The following XKR9 variants were observed in gnomAD, a reference collection of about 807,000 sequenced individuals.
XKR9 encodes XK-related protein 9.
A neutral mutation model predicts 32.0 loss-of-function variants in XKR9; 32 were observed. That is an observed-to-expected ratio of 1.00 (90% CI 0.76 to 1.34). The LOEUF (loss-of-function observed/expected upper bound fraction) is 1.34. Ranked by LOEUF, XKR9 falls within the 40% of genes most tolerant of loss-of-function variation. The pLI, the probability that XKR9 is intolerant of heterozygous loss-of-function variation, is 0.00. For synonymous variants in XKR9, 168 were observed against 143.4 expected (o/e 1.17, Z -1.22); for missense variants, 546 against 429.7 (o/e 1.27, Z -2.39).
At chr8:70,821,655 C>T in the XKR9 span, among the ~76,000 whole-genome samples, 1 of 152,356 alleles carries the variant, frequency 6.6e-6, no homozygotes, top group East Asian at 1.9e-4. Flanking sequence ...TGCGTGCCTT[C>T]ACGATCAACA....
At chr8:70,877,790 C>T in the XKR9 span, among the ~76,000 whole-genome samples, 3 of 152,106 alleles carry the variant, frequency 2.0e-5, no homozygotes, top group African/African-American at 7.2e-5. Flanking sequence ...GGCCAACATT[C>T]AAATTCAGGA....
At chr8:70,958,481 G>T in the XKR9 span, among the ~76,000 whole-genome samples, 4 of 152,116 alleles carry the variant, frequency 2.6e-5, no homozygotes, top group Admixed American at 6.5e-5. Flanking sequence ...AAATATGTTT[G>T]TTGGCTGCAT....
chr8:70,757,507 T>A (rs1176812321), intron 2 of XKR9, among the ~76,000 whole-genome samples: 1 of 152,174 alleles, frequency 6.6e-6, no homozygotes, highest in African/African-American at 2.4e-5. Context: ...ATTCTCTATT[T>A]GGTATAATAT....
chr8:71,005,026 G>A, the XKR9 span, among the ~76,000 whole-genome samples: 4 of 17,260 alleles, frequency 2.3e-4, no homozygotes, highest in East Asian at 5.3e-3. Context: ...TTTTTTTTTT[G>A]TAGAGTTGGA....
At chr8:71,038,857 T>A in the XKR9 span, among the ~76,000 whole-genome samples, 2 of 141,924 alleles carry the variant, frequency 1.4e-5, no homozygotes, top group Non-Finnish European at 3.0e-5. Context: ...CAGGCTGGAG[T>A]GCAGTGGCAC....
At chr8:71,021,842 A>AT in the XKR9 span, among the ~76,000 whole-genome samples, 1 of 152,152 alleles carries the variant, frequency 6.6e-6, no homozygotes, top group Non-Finnish European at 1.5e-5. Context: ...CTTCAGTTTA[A>AT]TTCTGATTCA....
chr8:70,678,155 ACC>A (rs1818942827), intron 2 of XKR9: 1 of 152,114 alleles, frequency 6.6e-6, no homozygotes, highest in Non-Finnish European at 1.5e-5. Context: ...TCCTGCCCTG[ACC>A]AATCTAATTA....
chr8:70,847,511 A>G, the XKR9 span, among the ~76,000 whole-genome samples: 1 of 152,028 alleles, frequency 6.6e-6, no homozygotes, highest in Non-Finnish European at 1.5e-5. Context: ...ACAGAGACAA[A>G]AAATACAAAG....
intron 2 of XKR9, among the ~76,000 whole-genome samples, chr8:70,756,716 T>C (rs995789008): frequency 6.6e-5 from 10 of 152,250 alleles, no homozygotes; most frequent in African/African-American, 2.4e-4. Flanking sequence ...TCTTGAAGTC[T>C]TGCTGAACTT....
the XKR9 span, among the ~76,000 whole-genome samples, chr8:70,875,956 C>T: frequency 2.0e-5 from 3 of 152,100 alleles, no homozygotes; most frequent in Admixed American, 1.3e-4. Context: ...AAAACTCAGA[C>T]TCCATCAGAA....
the XKR9 span, among the ~76,000 whole-genome samples, chr8:70,806,555 G>A: frequency 6.6e-6 from 1 of 152,182 alleles, no homozygotes; most frequent in East Asian, 1.9e-4. Flanking sequence ...AGAATATCCA[G>A]TTTAGAGAGG....
chr8:70,765,639 G>A (rs910225824), intron 2 of XKR9, among the ~76,000 whole-genome samples: 2 of 152,286 alleles, frequency 1.3e-5, no homozygotes, highest in South Asian at 2.1e-4. Context: ...TTTGGCTTGC[G>A]TTGCAGTTGC....
chr8:70,923,372 T>C, the XKR9 span, among the ~76,000 whole-genome samples: 1 of 152,154 alleles, frequency 6.6e-6, no homozygotes, highest in Non-Finnish European at 1.5e-5. Flanking sequence ...TTGAATCTGT[T>C]TTGGAACTAG....
chr8:70,796,466 C>T, the XKR9 span, among the ~76,000 whole-genome samples: 4 of 151,814 alleles, frequency 2.6e-5, no homozygotes, highest in East Asian at 7.7e-4. Flanking sequence ...AGTCTTCTTT[C>T]TTTTTGTCAA....
At chr8:70,911,177 G>A in the XKR9 span, among the ~76,000 whole-genome samples, 1 of 152,170 alleles carries the variant, frequency 6.6e-6, no homozygotes, top group South Asian at 2.1e-4. Context: ...ACCAGGGGAT[G>A]GGAATCTTGG....
chr8:71,011,866 C>T, the XKR9 span, among the ~76,000 whole-genome samples: 2 of 152,148 alleles, frequency 1.3e-5, no homozygotes, highest in Admixed American at 6.5e-5. Context: ...TTACACATTT[C>T]GCAGCTAGGT....
intron 3 of XKR9, among the ~76,000 whole-genome samples, chr8:70,694,816 TA>T (rs1805202826): frequency 6.6e-6 from 1 of 152,242 alleles, no homozygotes; most frequent in Non-Finnish European, 1.5e-5. Flanking sequence ...TAGGGGTATG[TA>T]CAGGAGTCTA....
At chr8:70,745,008 A>G (rs1178179981) in intron 2 of XKR9, among the ~76,000 whole-genome samples, 1 of 150,262 alleles carries the variant, frequency 6.7e-6, no homozygotes, top group Non-Finnish European at 1.5e-5. Context: ...TGTTAGCTTG[A>G]ATAATCCAAT....
the XKR9 span, among the ~76,000 whole-genome samples, chr8:70,865,982 C>A: frequency 1.1e-4 from 16 of 152,288 alleles, no homozygotes; most frequent in East Asian, 1.2e-3. Context: ...AATTTAAGAT[C>A]CTGCTGCTAA....
Sources: gnomAD v4.1 joint callset for allele counts (sites outside exome capture counted in the v4.1 genomes callset) on GRCh38, gnomAD v4.1.1 for gene constraint, MANE v1.5 for transcripts, NCBI Gene and HGNC (gene_info 2026-07-23, HGNC 2026-07-21) for gene names.